COL18A1: variants seen among roughly 807,000 people sequenced by gnomAD.
The protein encoded by COL18A1 is collagen type XVIII alpha 1 chain, also known as collagen alpha-1(XVIII) chain.
In COL18A1, 133 loss-of-function variants were observed where a neutral mutation model predicts 168.0. That is an observed-to-expected ratio of 0.79 (90% CI 0.69 to 0.91). The LOEUF (loss-of-function observed/expected upper bound fraction) is 0.91. Among genes scored for constraint, COL18A1 ranks in the 40% least tolerant of loss-of-function variants. The pLI is 0.00. For synonymous variants in COL18A1, 949 were observed against 809.0 expected (o/e 1.17, Z -2.94); for missense variants, 2,126 against 1,925.4 (o/e 1.10, Z -1.95).
intron 2 of COL18A1, among the ~76,000 whole-genome samples, chr21:45,446,414 GA>G (rs1355026496): frequency 6.6e-6 from 1 of 152,192 alleles, no homozygotes; most frequent in Non-Finnish European, 1.5e-5. Flanking sequence ...AGATGAAATT[GA>G]AAATTTCCTA....
rs985868954 is a variant in COL18A1 at position 45,486,842 on chromosome 21, C to G, written c.1702-19C>G. The G allele has an allele frequency of 3.9e-6, 6 of 1,526,266 alleles. No homozygotes were observed. Among genetic ancestry groups the G allele is most frequent in the Non-Finnish European group, 5.3e-6 (6 of 1,140,494 alleles). The allele number at this position is 1,526,266 out of a possible 1,614,324, so 94.5% of individuals were successfully genotyped here. ...GGGGGCTGGGCTGGGTCCTGACACG[C>G]TCTCCTCACCCCACGCAGGGGAGCA... On this transcript the variant is annotated intron_variant, in intron 15 of 41. Transcript: ENST00000651438.
Position 45,477,970 on chromosome 21 carries a change from GTCC to G in COL18A1, c.1221+8_1221+10del. 7.0e-7 allele frequency: 1 copy of G among 1,431,358 alleles called. No individual in the cohort carries two copies. Among genetic ancestry groups the G allele is most frequent in the Non-Finnish European group, 9.6e-7 (1 of 1,039,442 alleles). The allele number at this position is 1,431,358 out of a possible 1,614,324, so 88.7% of individuals were successfully genotyped here. Reference sequence around the variant, plus strand: ...CCTGGAAGGGACGGCGAGCCGGTGAGTCCTCACGTCCCCCCGAGTCCGGCCCGG... The same window carrying G: ...CCTGGAAGGGACGGCGAGCCGGTGAGTCACGTCCCCCCGAGTCCGGCCCGG... On this transcript the variant is annotated splice_donor_region_variant and intron_variant, in intron 8 of 41. Coordinates refer to ENST00000651438, the MANE Select transcript of COL18A1 (RefSeq NM_001379500.1).
Position 45,504,403 on chromosome 21 carries a change from T to TTTCCG in COL18A1, c.2728-11_2728-7dup. The TTTCCG allele has an allele frequency of 6.2e-7, 1 of 1,610,254 alleles. No individual in the cohort carries two copies. The highest frequency in any genetic ancestry group is 1.7e-5 in the Admixed American group (1 of 59,816). On this transcript the variant is annotated splice_polypyrimidine_tract_variant and intron_variant, in intron 33 of 41. Transcript: ENST00000651438. Reference sequence around the variant, plus strand: ...GTTCAGGGCTCCCGTGTAACAAGTGTTTCCGTCCACAGGGGGAGAAGGGAG... The same window carrying TTTCCG: ...GTTCAGGGCTCCCGTGTAACAAGTGTTTCCGTTCCGTCCACAGGGGGAGAAGGGAG...
At chr21:45,456,115 T>A in intron 2 of COL18A1, 1 of 1,586,446 alleles carries the variant, frequency 6.3e-7, no homozygotes, top group Non-Finnish European at 8.6e-7. Context: ...CCCCATCGCC[T>A]CCCTCCCTGG....
At position 45,449,493 on chromosome 21, in the gene COL18A1, G is replaced by A. The variant is rs530519822; in HGVS notation, c.107-18749G>A. ...TCCAGGAATGTACATCCAGGGAAGA[G>A]CTAAGAGAAGCCTCGTCGTGGAATC... On this transcript the variant is annotated intron_variant, in intron 2 of 41. Coordinates refer to ENST00000651438, the MANE Select transcript of COL18A1 (RefSeq NM_001379500.1). 4.6e-5 allele frequency among the ~76,000 whole-genome samples: 7 copies of A among 152,282 alleles called. No homozygotes were observed. The East Asian group carries it at 1.2e-3, about 25-fold the overall frequency.
intron 3 of COL18A1, among the ~76,000 whole-genome samples, chr21:45,469,266 C>T (rs1428442726): frequency 6.6e-6 from 1 of 152,274 alleles, no homozygotes; most frequent in East Asian, 1.9e-4. Flanking sequence ...AGCCACACGC[C>T]TCGTGGCCCC....
chr21:45,420,188 C>T (rs562811675), intron 2 of COL18A1: 3 of 152,354 alleles, frequency 2.0e-5, no homozygotes, highest in South Asian at 2.1e-4. Context: ...GCGTTGCTGT[C>T]GCAGCTGGCA....
At chr21:45,479,878 G>A (rs556114387) in intron 9 of COL18A1, 24 bp from the exon 10 acceptor site, 28 of 1,613,150 alleles carry the variant, frequency 1.7e-5, no homozygotes, top group South Asian at 4.4e-5. Flanking sequence ...TTCCCTGACC[G>A]GGCCCCCGGA....
In COL18A1 at chr21:45,482,798, GA is replaced by G; in HGVS notation, c.1680del (p.Ala561GlnfsTer163). The G allele has an allele frequency of 6.2e-7, 1 of 1,614,182 alleles. No homozygotes were observed. Among genetic ancestry groups the G allele is most frequent in the Non-Finnish European group, 8.5e-7 (1 of 1,180,034 alleles). Reference sequence around the variant, plus strand: ...AATCCTGCTCTTTTCCGTACAGGGTGAAGCAGGCGCCCCAGGACATAAGGTA... The same window carrying G: ...AATCCTGCTCTTTTCCGTACAGGGTGAGCAGGCGCCCCAGGACATAAGGTA... ...GRTGQKGSLG[E>X]AGAPGHKGSK... On this transcript the variant is annotated frameshift_variant, in exon 15 of 42. Coordinates refer to ENST00000651438, the MANE Select transcript of COL18A1 (RefSeq NM_001379500.1). LOFTEE classifies it high-confidence loss of function.
At chr21:45,478,100 C>T (rs563202121) in intron 8 of COL18A1, 135 bp downstream of exon 8, 4 of 741,506 alleles carry the variant, frequency 5.4e-6, no homozygotes, top group African/African-American at 3.5e-5. Context: ...TTAGGCCCAC[C>T]GTTGCTCGGG....
rs960499353 is a variant in COL18A1 at position 45,471,118 on chromosome 21, C to A, written c.651+2332C>A. ...GCCGTGTGCTGCTGGGCCTGGGTGG[C>A]GCACTACGGGCCTTGTGCTGCTGGG... is the stretch of plus-strand genomic sequence containing the variant. On this transcript the variant is annotated intron_variant, in intron 3 of 41. Transcript: ENST00000651438. The surrounding 1 kb of genome is among the most constrained non-coding windows in gnomAD (Gnocchi z 4.4). Among the ~76,000 whole-genome samples, 2 of 140,042 alleles carry A rather than the reference C, an allele frequency of 1.4e-5. No individual in the cohort carries two copies. Among genetic ancestry groups the A allele is most frequent in the East Asian group, 4.3e-4 (2 of 4,646 alleles). The allele number at this position is 140,042 out of a possible 152,430, so 91.9% of individuals were successfully genotyped here. A position where few individuals can be genotyped will look rare whatever the true frequency, so the allele number is the denominator to read the frequency against.
chr21:45,477,575 C>A, intron 7 of COL18A1, 88 bp downstream of exon 7: 1 of 1,352,714 alleles, frequency 7.4e-7, no homozygotes, highest in Non-Finnish European at 1.0e-6. Context: ...CCTGATGAAG[C>A]CCCTCTGTGC....
chr21:45,456,974 C>A, intron 2 of COL18A1: 1 of 1,061,624 alleles, frequency 9.4e-7, no homozygotes, highest in South Asian at 2.1e-5. Context: ...CAGGTTCCCC[C>A]CACATCGAAT....
chr21:45,440,212 C>T (rs950402871), intron 2 of COL18A1, among the ~76,000 whole-genome samples: 1 of 152,250 alleles, frequency 6.6e-6, no homozygotes, highest in Non-Finnish European at 1.5e-5. Flanking sequence ...CACCTGTGCA[C>T]ACAGGCTCCC....
chr21:45,487,465 G>A lies in COL18A1; in HGVS notation c.1852G>A (p.Gly618Arg), dbSNP rs368967629. Residue 618 changes from glycine to arginine, a missense_variant, in exon 17 of 42, where the codon GGG becomes AGG. Transcript: ENST00000651438. ...PAGFDDMEGSGGPFWSTARSA... is the reference protein window; with the variant it reads ...PAGFDDMEGSRGPFWSTARSA... The stretch of plus-strand genomic sequence containing the variant: ...CTTCCAGGATGACATGGAAGGCTCC[G>A]GGGGGCCCTTCTGGTCAACAGCCCG... The A allele has an allele frequency of 1.9e-5, 30 of 1,612,770 alleles. No individual in the cohort carries two copies. The African/African-American group carries it at 2.7e-4, about 14-fold the overall frequency.
rs2033681300 is a variant in COL18A1, at chr21:45,423,242, TTGAGGGTTAGC to T, written c.106+17772_106+17782del. Among the ~76,000 whole-genome samples the T allele has an allele frequency of 6.6e-6, 1 of 152,214 alleles. No individual in the cohort carries two copies. The highest frequency in any genetic ancestry group is 1.5e-5 in the Non-Finnish European group (1 of 68,042). The stretch of plus-strand genomic sequence containing the variant: ...CTTATGTTCCATGGTGACATGGTTC[TTGAGGGTTAGC>T]TGGTCCAGTTCCCGCGTGTTGGCCG... On this transcript the variant is annotated intron_variant, in intron 2 of 41. Transcript: ENST00000651438. This position sits in a 1 kb window ranked among gnomAD's most constrained non-coding sequence, Gnocchi z 4.0.
At position 45,443,058 on chromosome 21, in the gene COL18A1, G is replaced by A. The variant is rs1254029422; in HGVS notation, c.107-25184G>A. Among the ~76,000 whole-genome samples, 2 of 130,962 alleles carry A rather than the reference G, an allele frequency of 1.5e-5. No individual in the cohort carries two copies. Among genetic ancestry groups the A allele is most frequent in the African/African-American group, 6.7e-5 (2 of 29,680 alleles). The allele number at this position is 130,962 out of a possible 152,430, so 85.9% of individuals were successfully genotyped here. ...TGTGGGCGGCGGTGCTGGTGTGGGCGGTGGTGGTGCTGGTGTGGGTGGTGG... is the reference window on the plus strand; with the variant it reads ...TGTGGGCGGCGGTGCTGGTGTGGGCAGTGGTGGTGCTGGTGTGGGTGGTGG... On this transcript the variant is annotated intron_variant, in intron 2 of 41. Transcript: ENST00000651438. The surrounding 1 kb of genome is among the most constrained non-coding windows in gnomAD (Gnocchi z 5.2).
intron 2 of COL18A1, among the ~76,000 whole-genome samples, chr21:45,440,732 C>CG (rs1302931806): frequency 6.6e-6 from 1 of 152,156 alleles, no homozygotes; most frequent in African/African-American, 2.4e-5. Flanking sequence ...TCAGGGCCTG[C>CG]GGGGGTTTAT....
intron 2 of COL18A1, chr21:45,456,813 T>C: frequency 2.0e-6 from 3 of 1,535,438 alleles, no homozygotes; most frequent in Non-Finnish European, 2.6e-6. Context: ...GGGGGCCGGC[T>C]GCCCGTCGCC....
Sources: allele counts gnomAD v4.1 joint callset (sites outside exome capture counted in the v4.1 genomes callset), GRCh38; gene constraint gnomAD v4.1.1; non-coding constraint Gnocchi (gnomAD v3.1); transcripts MANE v1.5; gene names NCBI Gene and HGNC (gene_info 2026-07-23, HGNC 2026-07-21).